The following LIPA variants were observed in gnomAD, a reference collection of about 807,000 sequenced individuals.
LIPA encodes the protein lysosomal acid lipase/cholesteryl ester hydrolase.
Under a neutral mutation model 40.6 loss-of-function variants are expected in LIPA, and 26 were observed. The observed-to-expected ratio is 0.64, with a 90% CI of 0.47 to 0.89. The LOEUF (loss-of-function observed/expected upper bound fraction) is 0.89, where lower values mean the gene tolerates loss of function less well. Among genes scored for constraint, LIPA ranks in the 40% least tolerant of loss-of-function variants. The probability of loss-of-function intolerance (pLI) is 0.00; values close to 1 mark genes in which losing one functional copy is unlikely to be tolerated. For missense variants in LIPA, 455 were observed against 479.6 expected (o/e 0.95, Z 0.48); for synonymous variants, 188 against 168.4 (o/e 1.12, Z -0.90).
At chr10:89,288,566 G>A (rs1470385719) in intron 1 of LIPA, among the ~76,000 whole-genome samples, 1 of 152,024 alleles carries the variant, frequency 6.6e-6, no homozygotes, top group Non-Finnish European at 1.5e-5. Context: ...CCCCATGACT[G>A]TATCTCTCTG....
At chr10:89,312,082 T>C (rs1036353120) in intron 1 of LIPA, among the ~76,000 whole-genome samples, 1 of 152,182 alleles carries the variant, frequency 6.6e-6, no homozygotes, top group African/African-American at 2.4e-5. Flanking sequence ...TTTCTAGAGA[T>C]GACTTTGCGT....
At chr10:89,320,724 G>T (rs1843566555) in intron 1 of LIPA, among the ~76,000 whole-genome samples, 1 of 152,120 alleles carries the variant, frequency 6.6e-6, no homozygotes, top group Non-Finnish European at 1.5e-5. Context: ...CTACTTTAAA[G>T]TTCATATGGA....
chr10:89,403,886 G>A lies in LIPA; in HGVS notation c.61+8905C>T, dbSNP rs1844485342. On this transcript the variant is annotated intron_variant, in intron 2 of 8. Coordinates refer to the LIPA transcript ENST00000371837. ...TTCAACAATTAGTGAAACAGAATGTGTGTATGCATGTAAGAAAGAGAAATC... is the reference window on the plus strand; with the variant it reads ...TTCAACAATTAGTGAAACAGAATGTATGTATGCATGTAAGAAAGAGAAATC... The A allele has an allele frequency of 1.3e-5, 7 of 531,446 alleles. No homozygotes were observed. The South Asian group carries it at 2.1e-4, about 16-fold the overall frequency. The allele number at this position is 531,446 out of a possible 1,614,324, so 32.9% of individuals were successfully genotyped here.
intron 1 of LIPA, among the ~76,000 whole-genome samples, chr10:89,329,367 A>T (rs1843628287): frequency 6.6e-6 from 1 of 152,126 alleles, no homozygotes; most frequent in Non-Finnish European, 1.5e-5. Context: ...AGTGGGATTG[A>T]CCAGAGAGCA....
intron 2 of LIPA, among the ~76,000 whole-genome samples, chr10:89,388,371 G>T (rs963753082): frequency 6.6e-6 from 1 of 152,184 alleles, no homozygotes; most frequent in African/African-American, 2.4e-5. Flanking sequence ...CTCCCACAGT[G>T]CTGGGATTAC....
chr10:89,218,804 C>T (rs1425862436), intron 8 of LIPA, among the ~76,000 whole-genome samples: 3 of 152,200 alleles, frequency 2.0e-5, no homozygotes, highest in Non-Finnish European at 4.4e-5. Context: ...GGCCACCTCT[C>T]TCTGAACTTT....
In LIPA at chr10:89,383,286, C is replaced by G; in HGVS notation, c.61+29505G>C. On this transcript the variant is annotated intron_variant, in intron 2 of 8. Coordinates refer to the LIPA transcript ENST00000371837. Reference sequence around the variant, plus strand: ...ATTTTCAGTGGACTGAATACTTTCTCAAAATGTAATTAATTGCTGCCTATT... The same window carrying G: ...ATTTTCAGTGGACTGAATACTTTCTGAAAATGTAATTAATTGCTGCCTATT... 4 of 1,563,116 alleles carry G rather than the reference C, an allele frequency of 2.6e-6. No homozygotes were observed. In the East Asian group the frequency reaches 9.0e-5, roughly 35 times the overall value.
chr10:89,257,669 T>C (rs1186247518), intron 1 of LIPA, among the ~76,000 whole-genome samples: 2 of 152,182 alleles, frequency 1.3e-5, no homozygotes, highest in Non-Finnish European at 2.9e-5. Context: ...TTCCAGGCTG[T>C]AGTTTAGGGA....
intron 1 of LIPA, among the ~76,000 whole-genome samples, chr10:89,287,404 C>A (rs537712896): frequency 6.6e-6 from 1 of 152,288 alleles, no homozygotes; most frequent in East Asian, 1.9e-4. Flanking sequence ...GGACAACATT[C>A]TTTTATGCAC....
rs886189506 is a variant in LIPA at position 89,383,651 on chromosome 10, A to C, written c.61+29140T>G. The C allele has an allele frequency of 1.2e-6, 2 of 1,614,136 alleles. No homozygotes were observed. Among genetic ancestry groups the C allele is most frequent in the East Asian group, 2.2e-5 (1 of 44,898 alleles). On this transcript the variant is annotated intron_variant, in intron 2 of 8. Coordinates refer to the LIPA transcript ENST00000371837. ...TATTACCACATGGGCAGATTGGCAGAAGCCCAGACTTACCTGGACAAGGTG... is the reference window on the plus strand; with the variant it reads ...TATTACCACATGGGCAGATTGGCAGCAGCCCAGACTTACCTGGACAAGGTG...
chr10:89,414,031 T>C (rs952328890), intron 1 of LIPA, among the ~76,000 whole-genome samples: 2 of 152,212 alleles, frequency 1.3e-5, no homozygotes, highest in Admixed American at 1.3e-4. Flanking sequence ...CTTTATTGGG[T>C]CCTTATTACA....
At chr10:89,393,048 C>T in intron 2 of LIPA, 2 of 931,264 alleles carry the variant, frequency 2.1e-6, no homozygotes, top group Non-Finnish European at 2.9e-6. Flanking sequence ...AGATTCACTT[C>T]TGTCTGATAT....
intron 2 of LIPA, among the ~76,000 whole-genome samples, chr10:89,369,538 G>A (rs78890942): frequency 0.016 from 2,474 of 152,296 alleles, 37 homozygotes; most frequent in Non-Finnish European, 0.022. Context: ...GTATGTTGGA[G>A]TTATCTTTAT....
chr10:89,376,209 A>AAT (rs1844120601), intron 2 of LIPA, among the ~76,000 whole-genome samples: 1 of 140,284 alleles, frequency 7.1e-6, no homozygotes, highest in African/African-American at 2.6e-5. Context: ...AAAAAAAAAA[A>AAT]GAAGAAGAAG....
intron 1 of LIPA, among the ~76,000 whole-genome samples, chr10:89,299,300 A>AT (rs1843432110): frequency 6.6e-6 from 1 of 152,062 alleles, no homozygotes; most frequent in Admixed American, 6.5e-5. Context: ...ATAAGACGAA[A>AT]ATAAAGAAAA....
At chr10:89,297,447 A>G (rs1843421991) in intron 1 of LIPA, among the ~76,000 whole-genome samples, 2 of 152,132 alleles carry the variant, frequency 1.3e-5, no homozygotes, top group African/African-American at 2.4e-5. Context: ...TCCATATCCC[A>G]GGAGCCCCCA....
rs374111686 is a variant in LIPA, at chr10:89,319,790, G to A, written c.-2+22821C>T. Among the ~76,000 whole-genome samples, 12 of 152,184 alleles carry A rather than the reference G, an allele frequency of 7.9e-5. No homozygotes were observed. In the East Asian group the frequency reaches 1.2e-3, roughly 15 times the overall value. ...AGAATATCAGGCCAATACCCCTGAT[G>A]AACATCGATGCAATGCAAATATCCT... On this transcript the variant is annotated intron_variant, in intron 1 of 5. Transcript: ENST00000282673.
intron 2 of LIPA, among the ~76,000 whole-genome samples, chr10:89,352,891 A>C (rs1449975349): frequency 6.6e-6 from 1 of 151,946 alleles, no homozygotes; most frequent in Admixed American, 6.6e-5. Context: ...AGTTCTGTTG[A>C]ATTTTACCCT....
chr10:89,384,619 G>C, intron 2 of LIPA: 1 of 1,614,182 alleles, frequency 6.2e-7, no homozygotes, highest in Non-Finnish European at 8.5e-7. Flanking sequence ...GAATGTACGG[G>C]TTGTGGAAAG....
Sources: gnomAD v4.1 joint callset for allele counts (sites outside exome capture counted in the v4.1 genomes callset) on GRCh38, gnomAD v4.1.1 for gene constraint, MANE v1.5 for transcripts, NCBI Gene and HGNC (gene_info 2026-07-23, HGNC 2026-07-21) for gene names.